MARCHF8: variants seen among roughly 807,000 people sequenced by gnomAD.
MARCHF8 encodes membrane associated ring-CH-type finger 8, also known as E3 ubiquitin-protein ligase MARCHF8.
In MARCHF8, 40 loss-of-function variants were observed where a neutral mutation model predicts 51.6. The ratio of observed to expected loss-of-function variants is 0.77; its 90% confidence interval spans 0.60 to 1.01. MARCHF8 has a LOEUF of 1.01. Ranked by LOEUF, MARCHF8 falls within the 50% of genes least tolerant of loss-of-function variation. The pLI is 0.00. For missense variants in MARCHF8, 685 were observed against 708.6 expected (o/e 0.97, Z 0.38); for synonymous variants, 263 against 280.3 (o/e 0.94, Z 0.62).
intron 1 of MARCHF8, among the ~76,000 whole-genome samples, chr10:45,577,526 A>T (rs1173978918): frequency 7.9e-5 from 12 of 152,154 alleles, no homozygotes; most frequent in Admixed American, 7.9e-4. Flanking sequence ...ATTAAAAATT[A>T]AAAATATTAT....
chr10:45,579,617 G>A (rs941584411), intron 1 of MARCHF8, among the ~76,000 whole-genome samples: 1 of 152,044 alleles, frequency 6.6e-6, no homozygotes, highest in African/African-American at 2.4e-5. Context: ...CATCAACATT[G>A]GCAAGGATGT....
intron 2 of MARCHF8, among the ~76,000 whole-genome samples, chr10:45,504,280 T>A (rs2043338213): frequency 6.6e-6 from 1 of 152,202 alleles, no homozygotes; most frequent in South Asian, 2.1e-4. Flanking sequence ...ACCCCGTCTC[T>A]ACTAAAAATA....
chr10:45,525,381 C>T (rs1183622137), intron 2 of MARCHF8, among the ~76,000 whole-genome samples: 1 of 152,168 alleles, frequency 6.6e-6, no homozygotes, highest in Non-Finnish European at 1.5e-5. Flanking sequence ...TACTTATCAC[C>T]TTTCAGGAAT....
At chr10:45,496,148 G>T (rs2043171432) in intron 2 of MARCHF8, among the ~76,000 whole-genome samples, 1 of 152,128 alleles carries the variant, frequency 6.6e-6, no homozygotes. Context: ...ATTGCAAGTG[G>T]ATGCACCTGA....
intron 1 of MARCHF8, among the ~76,000 whole-genome samples, chr10:45,561,045 A>G (rs1589178530): frequency 6.6e-6 from 1 of 152,172 alleles, no homozygotes; most frequent in East Asian, 1.9e-4. Flanking sequence ...CTCTATACAC[A>G]GGAAAAGAAT....
chr10:45,497,687 A>G (rs1044116513), intron 2 of MARCHF8, among the ~76,000 whole-genome samples: 8 of 152,222 alleles, frequency 5.3e-5, no homozygotes, highest in Admixed American at 2.0e-4. Context: ...AATAACCAGT[A>G]AATCAAAAAA....
chr10:45,492,276 T>TTTCTTC (rs369983458), intron 2 of MARCHF8, among the ~76,000 whole-genome samples: 2 of 151,862 alleles, frequency 1.3e-5, no homozygotes, highest in Non-Finnish European at 2.9e-5. Context: ...CACTGCTCTT[T>TTTCTTC]TTCTTCTTCT....
At chr10:45,474,217 G>C (rs991021698) in intron 3 of MARCHF8, among the ~76,000 whole-genome samples, 2 of 152,204 alleles carry the variant, frequency 1.3e-5, no homozygotes, top group African/African-American at 4.8e-5. Flanking sequence ...TTAGAGATGA[G>C]ACATATTGTC....
At chr10:45,518,068 C>A (rs371696251) in intron 2 of MARCHF8, among the ~76,000 whole-genome samples, 4 of 152,150 alleles carry the variant, frequency 2.6e-5, no homozygotes, top group Admixed American at 2.0e-4. Flanking sequence ...GGCTTCCTGG[C>A]AGCTAATACA....
intron 2 of MARCHF8, among the ~76,000 whole-genome samples, chr10:45,506,267 T>G (rs984367732): frequency 6.6e-6 from 1 of 152,220 alleles, no homozygotes; most frequent in Non-Finnish European, 1.5e-5. Context: ...TGGGACCAGT[T>G]TAATATTTAT....
chr10:45,464,061 C>T (rs866294048), intron 4 of MARCHF8, 65 bp from the exon 5 acceptor site: 33 of 1,500,574 alleles, frequency 2.2e-5, no homozygotes, highest in Non-Finnish European at 2.7e-5. Context: ...GAATAGACAT[C>T]ATAGTGAAGA....
At chr10:45,489,141 A>C (rs750649499) in intron 3 of MARCHF8, among the ~76,000 whole-genome samples, 2 of 152,156 alleles carry the variant, frequency 1.3e-5, no homozygotes, top group African/African-American at 2.4e-5. Context: ...TTTCTGGAAA[A>C]AATGGAATTT....
intron 2 of MARCHF8, among the ~76,000 whole-genome samples, chr10:45,507,291 G>A (rs368072960): frequency 5.4e-4 from 82 of 152,194 alleles, no homozygotes; most frequent in African/African-American, 1.8e-3. Context: ...GTTCCAGAAC[G>A]AGAAAGAGGG....
chr10:45,458,940 G>A (rs1309724746), intron 7 of MARCHF8, among the ~76,000 whole-genome samples, 180 bp downstream of exon 7: 1 of 152,182 alleles, frequency 6.6e-6, no homozygotes, highest in African/African-American at 2.4e-5. Context: ...TCTCCTGACT[G>A]GGTTTCAAAA....
chr10:45,571,898 T>G (rs187874608), intron 1 of MARCHF8, among the ~76,000 whole-genome samples: 61 of 152,282 alleles, frequency 4.0e-4, no homozygotes, highest in African/African-American at 1.2e-3. Context: ...GCACCAGTCA[T>G]AGACTCAGGA....
intron 2 of MARCHF8, among the ~76,000 whole-genome samples, chr10:45,509,823 G>C (rs2133187169): frequency 6.6e-6 from 1 of 152,298 alleles, no homozygotes; most frequent in South Asian, 2.1e-4. Context: ...ATCTGATATA[G>C]AGTTATTGGC....
chr10:45,475,325 C>G (rs929190840), intron 3 of MARCHF8, among the ~76,000 whole-genome samples: 4 of 152,236 alleles, frequency 2.6e-5, no homozygotes, highest in Admixed American at 1.3e-4. Flanking sequence ...ATAGCCACTG[C>G]TGCCTCCACC....
At chr10:45,555,086 G>A (rs914703355) in intron 1 of MARCHF8, among the ~76,000 whole-genome samples, 11 of 151,600 alleles carry the variant, frequency 7.3e-5, no homozygotes, top group South Asian at 4.2e-4. Flanking sequence ...AACATTAGCC[G>A]GGCGTAGTGG....
At position 45,463,826 on chromosome 10, in the gene MARCHF8, T is replaced by G. The variant is rs1422110185; in HGVS notation, c.413A>C (p.Gln138Pro). 1.4e-5 allele frequency: 21 copies of G among 1,546,946 alleles called. No individual in the cohort carries two copies. Among genetic ancestry groups the G allele is most frequent in the Non-Finnish European group, 1.7e-5 (20 of 1,147,068 alleles). Residue 138 changes from glutamine (Q) to proline (P), a missense_variant, in exon 5 of 8, where the codon CAG (glutamine) becomes CCG (proline). Coordinates refer to ENST00000453424, the MANE Select transcript of MARCHF8 (RefSeq NM_001282866.2). ...GGTATTCTTAGCAGGCTTCAAGGCC[T>G]GGGCCCATTCTGAACCAAAGGAATT... is the stretch of plus-strand genomic sequence containing the variant. ...KRNSFGSEWA[Q>P]ALKPAKNTKA...
Sources: allele counts gnomAD v4.1 joint callset (sites outside exome capture counted in the v4.1 genomes callset), GRCh38; gene constraint gnomAD v4.1.1; transcripts MANE v1.5; gene names NCBI Gene and HGNC (gene_info 2026-07-23, HGNC 2026-07-21).